GPHN: variants seen among roughly 807,000 people sequenced by gnomAD.
The protein encoded by GPHN is gephyrin.
A neutral mutation model predicts 95.5 loss-of-function variants in GPHN; 17 were observed. The ratio of observed to expected loss-of-function variants is 0.18; its 90% CI spans 0.12 to 0.27. GPHN has a LOEUF of 0.27. Ranked by LOEUF, GPHN falls within the 10% of genes least tolerant of loss-of-function variation. GPHN has a pLI of 1.00. For missense variants in GPHN, 660 were observed against 978.1 expected (o/e 0.67, Z 4.34); for synonymous variants, 320 against 322.5 (o/e 0.99, Z 0.08).
At chr14:67,669,032 T>C in the GPHN span, among the ~76,000 whole-genome samples, 1 of 152,200 alleles carries the variant, frequency 6.6e-6, no homozygotes, top group East Asian at 1.9e-4. Context: ...GTAGCTCTAT[T>C]ATCAGGCAGT....
At chr14:67,221,723 C>G in the GPHN span, 1 of 1,600,086 alleles carries the variant, frequency 6.2e-7, no homozygotes, top group Non-Finnish European at 8.5e-7. Context: ...TAGATCTTTT[C>G]TAAATATTTG....
the GPHN span, among the ~76,000 whole-genome samples, chr14:67,521,433 T>A: frequency 2.3e-4 from 35 of 152,308 alleles, no homozygotes; most frequent in African/African-American, 8.2e-4. Flanking sequence ...GTCCTGTGGG[T>A]TTATCAGAAG....
chr14:66,967,073 GT>G, intron 9 of GPHN, among the ~76,000 whole-genome samples: 1 of 151,824 alleles, frequency 6.6e-6, no homozygotes, highest in East Asian at 1.9e-4. Flanking sequence ...CAAATTGACA[GT>G]GAATTCATAA....
chr14:66,790,911 A>G (rs1264402065), intron 3 of GPHN, among the ~76,000 whole-genome samples: 2 of 152,238 alleles, frequency 1.3e-5, no homozygotes, highest in Admixed American at 6.5e-5. Flanking sequence ...TTCTGTCACC[A>G]ACAGCCATCA....
At chr14:67,369,918 G>A in the GPHN span, among the ~76,000 whole-genome samples, 12 of 152,164 alleles carry the variant, frequency 7.9e-5, no homozygotes, top group African/African-American at 2.9e-4. Flanking sequence ...ACAAATATAG[G>A]GGTGTGAAGT....
chr14:67,057,071 C>G (rs1421789733), intron 10 of GPHN, among the ~76,000 whole-genome samples: 1 of 152,160 alleles, frequency 6.6e-6, no homozygotes, highest in East Asian at 1.9e-4. Flanking sequence ...CCCTCCACAC[C>G]TCCCTGCAAG....
the GPHN span, among the ~76,000 whole-genome samples, chr14:67,250,225 C>T: frequency 6.6e-6 from 1 of 152,184 alleles, no homozygotes; most frequent in South Asian, 2.1e-4. Flanking sequence ...TCCATACCCT[C>T]CTACTGGCAA....
At chr14:67,559,053 G>A in the GPHN span, among the ~76,000 whole-genome samples, 2 of 152,218 alleles carry the variant, frequency 1.3e-5, no homozygotes, top group East Asian at 3.8e-4. Context: ...AATACTGAGA[G>A]TCTGACGTTG....
intron 4 of GPHN, among the ~76,000 whole-genome samples, chr14:66,850,782 G>A (rs941146396): frequency 6.6e-6 from 1 of 152,152 alleles, no homozygotes; most frequent in Non-Finnish European, 1.5e-5. Flanking sequence ...CTGCCAGGTT[G>A]TGCTGGAGGC....
the GPHN span, among the ~76,000 whole-genome samples, chr14:67,249,370 A>G: frequency 6.6e-6 from 1 of 152,238 alleles, no homozygotes; most frequent in African/African-American, 2.4e-5. Flanking sequence ...TTCTAGGCCA[A>G]GCCTCACTTT....
chr14:67,452,512 TTATC>T, the GPHN span, among the ~76,000 whole-genome samples: 1 of 152,158 alleles, frequency 6.6e-6, no homozygotes, highest in Non-Finnish European at 1.5e-5. Context: ...CGCTATGTCT[TTATC>T]AGCAGCATGA....
intron 4 of GPHN, among the ~76,000 whole-genome samples, chr14:66,833,799 T>C (rs1394814353): frequency 2.6e-5 from 4 of 152,160 alleles, no homozygotes; most frequent in Non-Finnish European, 5.9e-5. Context: ...TTTCAGTCAA[T>C]ATTTCCCTTA....
At chr14:66,847,384 C>G (rs1390518048) in intron 4 of GPHN, among the ~76,000 whole-genome samples, 7 of 152,032 alleles carry the variant, frequency 4.6e-5, no homozygotes, top group Non-Finnish European at 8.8e-5. Context: ...ATAAGAGTAA[C>G]ATAATTTTAT....
At chr14:67,692,772 C>G in the GPHN span, 1 of 859,214 alleles carries the variant, frequency 1.2e-6, no homozygotes. Context: ...ATTAAGGGTC[C>G]ATTATATGTA....
At chr14:67,128,795 C>T (rs1045752049) in intron 17 of GPHN, among the ~76,000 whole-genome samples, 2 of 149,174 alleles carry the variant, frequency 1.3e-5, no homozygotes, top group South Asian at 2.1e-4. Flanking sequence ...ATTAGCCGGG[C>T]GTGGCGGTGG....
At chr14:66,666,121 G>C (rs1226152809) in intron 1 of GPHN, among the ~76,000 whole-genome samples, 1 of 148,958 alleles carries the variant, frequency 6.7e-6, no homozygotes, top group Non-Finnish European at 1.5e-5. Flanking sequence ...GGAGGGGGGA[G>C]GGATAGCCTT....
intron 5 of GPHN, among the ~76,000 whole-genome samples, chr14:66,885,689 G>A (rs117527862): frequency 0.012 from 1,829 of 152,052 alleles, 19 homozygotes; most frequent in Non-Finnish European, 0.018. Context: ...AGAAATTACA[G>A]GATTAGAAAA....
chr14:66,775,414 C>A (rs1054022563), intron 2 of GPHN, among the ~76,000 whole-genome samples: 2 of 151,800 alleles, frequency 1.3e-5, no homozygotes, highest in African/African-American at 2.4e-5. Context: ...GGGCCACAAC[C>A]CTGTATGTAA....
the GPHN span, among the ~76,000 whole-genome samples, chr14:67,522,003 G>A: frequency 0.04 from 6,154 of 152,086 alleles, 162 homozygotes; most frequent in Non-Finnish European, 0.061. Context: ...AGTGAAAGTC[G>A]TCTCTACTAA....
Sources: gnomAD v4.1 joint callset for allele counts (sites outside exome capture counted in the v4.1 genomes callset) on GRCh38, gnomAD v4.1.1 for gene constraint, MANE v1.5 for transcripts, NCBI Gene and HGNC (gene_info 2026-07-23, HGNC 2026-07-21) for gene names.